CSMD1: variants seen among roughly 807,000 people sequenced by gnomAD.
CSMD1 encodes CUB and Sushi multiple domains 1, also known as CUB and sushi domain-containing protein 1.
A neutral mutation model predicts 417.5 loss-of-function variants in CSMD1; 213 were observed. That is an observed-to-expected ratio of 0.51 (90% CI 0.46 to 0.57). The LOEUF is 0.57. CSMD1 is among the 20% of genes least tolerant of loss of function. The pLI is 0.00. For synonymous variants in CSMD1, 2,862 were observed against 1,736.8 expected (o/e 1.65, Z -16.11); for missense variants, 6,923 against 4,529.7 (o/e 1.53, Z -15.17).
At chr8:3,168,670 G>T (rs1161929888) in intron 37 of CSMD1, among the ~76,000 whole-genome samples, 4 of 141,398 alleles carry the variant, frequency 2.8e-5, no homozygotes, top group Non-Finnish European at 4.6e-5. Context: ...TATATATATG[G>T]AAAACGCCAT....
chr8:4,358,665 G>C (rs1032534194), intron 3 of CSMD1, among the ~76,000 whole-genome samples: 1 of 152,086 alleles, frequency 6.6e-6, no homozygotes, highest in Non-Finnish European at 1.5e-5. Flanking sequence ...GTGCTAACTT[G>C]GTATTTTGCA....
intron 5 of CSMD1, among the ~76,000 whole-genome samples, chr8:3,853,729 G>A (rs1383782267): frequency 6.6e-6 from 1 of 151,836 alleles, no homozygotes; most frequent in Non-Finnish European, 1.5e-5. Context: ...CGGGGTGGGG[G>A]GAGCAGGGAA....
intron 2 of CSMD1, among the ~76,000 whole-genome samples, chr8:4,584,232 T>G (rs531084828): frequency 7.9e-5 from 12 of 151,920 alleles, no homozygotes; most frequent in Non-Finnish European, 1.2e-4. Flanking sequence ...ACCCACCAAT[T>G]CCGGACACAT....
At chr8:4,189,051 G>A (rs547469763) in intron 3 of CSMD1, among the ~76,000 whole-genome samples, 1 of 152,142 alleles carries the variant, frequency 6.6e-6, no homozygotes, top group Non-Finnish European at 1.5e-5. Flanking sequence ...GGTTTTATTT[G>A]TTATAAGAGT....
At chr8:3,381,181 T>G (rs1014403720) in intron 18 of CSMD1, among the ~76,000 whole-genome samples, 9 of 152,098 alleles carry the variant, frequency 5.9e-5, no homozygotes, top group Non-Finnish European at 1.2e-4. Context: ...CTACAACTTT[T>G]CAATCTTTAC....
intron 3 of CSMD1, among the ~76,000 whole-genome samples, chr8:4,244,446 A>T (rs925360264): frequency 6.6e-6 from 1 of 152,180 alleles, no homozygotes; most frequent in South Asian, 2.1e-4. Context: ...TTGTCAAATA[A>T]TTTTTTAAAA....
At chr8:4,991,540 G>A (rs1387712615) in intron 1 of CSMD1, among the ~76,000 whole-genome samples, 5 of 152,272 alleles carry the variant, frequency 3.3e-5, no homozygotes, top group African/African-American at 9.6e-5. Context: ...AGCGGGAGCC[G>A]CCACCCGGGC....
At chr8:4,099,233 T>C (rs1001695834) in intron 3 of CSMD1, among the ~76,000 whole-genome samples, 3 of 151,346 alleles carry the variant, frequency 2.0e-5, no homozygotes, top group Non-Finnish European at 4.4e-5. Flanking sequence ...CCATTTCTAA[T>C]TCCTTCCCTC....
intron 9 of CSMD1, among the ~76,000 whole-genome samples, chr8:3,576,002 C>G (rs1032048527): frequency 1.6e-5 from 2 of 122,506 alleles, no homozygotes; most frequent in Admixed American, 1.7e-4. Flanking sequence ...CTTCATTTTC[C>G]TAAGACATCC....
At chr8:3,485,074 G>C (rs1267402187) in intron 11 of CSMD1, among the ~76,000 whole-genome samples, 3 of 152,100 alleles carry the variant, frequency 2.0e-5, no homozygotes, top group African/African-American at 7.2e-5. Flanking sequence ...ATTTCCAAGA[G>C]AAATAAAAAC....
intron 3 of CSMD1, among the ~76,000 whole-genome samples, chr8:4,300,955 TC>T (rs1301688821): frequency 6.6e-6 from 1 of 152,186 alleles, no homozygotes. Flanking sequence ...TTAGGTTGGT[TC>T]CAAGTCTTTA....
intron 7 of CSMD1, among the ~76,000 whole-genome samples, chr8:3,699,840 G>A (rs1328814324): frequency 1.3e-5 from 2 of 151,204 alleles, no homozygotes; most frequent in Non-Finnish European, 2.9e-5. Context: ...CTTCCCACAC[G>A]ACACACCATC....
intron 1 of CSMD1, among the ~76,000 whole-genome samples, chr8:4,872,604 A>C (rs533401854): frequency 6.6e-6 from 1 of 152,240 alleles, no homozygotes; most frequent in East Asian, 1.9e-4. Context: ...TAAATTACCC[A>C]GTCTCAGGCA....
chr8:3,341,749 G>A (rs1295721015), intron 23 of CSMD1, among the ~76,000 whole-genome samples: 1 of 152,138 alleles, frequency 6.6e-6, no homozygotes, highest in Non-Finnish European at 1.5e-5. Flanking sequence ...GGTGTGCATG[G>A]AACTTCCCCG....
intron 7 of CSMD1, among the ~76,000 whole-genome samples, chr8:3,622,035 T>A (rs1448885587): frequency 6.6e-6 from 1 of 151,146 alleles, no homozygotes; most frequent in Admixed American, 6.6e-5. Flanking sequence ...AGGTCTGTAT[T>A]TCTAACATTC....
intron 1 of CSMD1, among the ~76,000 whole-genome samples, chr8:4,812,852 G>A (rs968170209): frequency 4.6e-5 from 7 of 152,118 alleles, no homozygotes; most frequent in Admixed American, 1.3e-4. Context: ...TATTGTTATT[G>A]ATATGTTATC....
chr8:3,537,160 C>A (rs773535004), intron 10 of CSMD1, among the ~76,000 whole-genome samples: 1 of 152,048 alleles, frequency 6.6e-6, no homozygotes, highest in Non-Finnish European at 1.5e-5. Context: ...CCCGCCACCA[C>A]GCCCAGCTAA....
intron 49 of CSMD1, among the ~76,000 whole-genome samples, chr8:3,055,712 G>GTATAGTAA (rs1812170032): frequency 6.6e-6 from 1 of 152,044 alleles, no homozygotes; most frequent in Non-Finnish European, 1.5e-5. Context: ...TTCTTTAGTT[G>GTATAGTAA]TACTAAGGTA....
At chr8:4,646,233 T>C (rs573775793) in intron 1 of CSMD1, among the ~76,000 whole-genome samples, 10 of 152,328 alleles carry the variant, frequency 6.6e-5, no homozygotes, top group Middle Eastern at 3.4e-3. Flanking sequence ...TTTTATTATA[T>C]TTATTTTTTC....
Sources: gnomAD v4.1 joint callset for allele counts (sites outside exome capture counted in the v4.1 genomes callset) on GRCh38, gnomAD v4.1.1 for gene constraint, MANE v1.5 for transcripts, NCBI Gene and HGNC (gene_info 2026-07-23, HGNC 2026-07-21) for gene names.